Variants in CSMD2 observed in about 807,000 individuals in gnomAD.
The protein encoded by CSMD2 is CUB and sushi domain-containing protein 2.
In CSMD2, 130 loss-of-function variants were observed where a neutral mutation model predicts 398.5. The ratio of observed to expected loss-of-function variants is 0.33; its 90% CI spans 0.28 to 0.38. The LOEUF is 0.38. CSMD2 is among the 10% of genes least tolerant of loss of function. CSMD2 has a pLI of 1.00. For missense variants in CSMD2, 3,829 were observed against 4,764.9 expected, an observed-to-expected ratio of 0.80 and a Z score of 5.78; for synonymous variants, 1,828 against 1,908.5, an observed-to-expected ratio of 0.96 and a Z score of 1.10.
intron 2 of CSMD2, among the ~76,000 whole-genome samples, chr1:34,062,577 C>T (rs1057326557): frequency 2.0e-5 from 3 of 152,176 alleles, no homozygotes; most frequent in Admixed American, 2.0e-4. Context: ...GGGGGCAAGA[C>T]CATGAGCAAG....
chr1:33,582,437 G>A (rs1207633073), intron 47 of CSMD2, among the ~76,000 whole-genome samples: 1 of 152,174 alleles, frequency 6.6e-6, no homozygotes, highest in African/African-American at 2.4e-5. Context: ...GCCCCCAGCA[G>A]AAAGGTGCAA....
chr1:34,081,941 G>T (rs536777905), intron 2 of CSMD2, among the ~76,000 whole-genome samples: 1 of 151,202 alleles, frequency 6.6e-6, no homozygotes, highest in Non-Finnish European at 1.5e-5. Context: ...CCGCCACCCC[G>T]TCTAGGAAGT....
At chr1:33,854,071 T>C (rs1638902148) in intron 5 of CSMD2, among the ~76,000 whole-genome samples, 1 of 152,216 alleles carries the variant, frequency 6.6e-6, no homozygotes. Context: ...TCTCCCAATC[T>C]TGATCCATCC....
chr1:33,542,820 A>G lies in CSMD2; in HGVS notation c.9177T>C (p.Ser3059=). The change falls in exon 58 of 71, where the codon TCT becomes TCC. Residue 3059 remains serine (S), a synonymous_variant. Transcript: ENST00000373381. Reference sequence around the variant, plus strand: ...ATCCTTCCCGGCACTCATAGACGATAGAGCTGGAGAAAACCAGGCCATCAC... The same window carrying G: ...ATCCTTCCCGGCACTCATAGACGATGGAGCTGGAGAAAACCAGGCCATCAC... ...VFSDGLVFSS[S]IVYECREGYY... 2.5e-6 allele frequency: 4 copies of G among 1,614,224 alleles called. No individual in the cohort carries two copies. In the African/African-American group the frequency reaches 4.0e-5, roughly 16 times the overall value.
At chr1:33,827,250 T>C (rs1216649904) in intron 6 of CSMD2, among the ~76,000 whole-genome samples, 8 of 152,188 alleles carry the variant, frequency 5.3e-5, no homozygotes, top group Non-Finnish European at 1.2e-4. Flanking sequence ...TGGCAACCCA[T>C]GTCTTCTAGA....
intron 15 of CSMD2, among the ~76,000 whole-genome samples, chr1:33,734,395 C>T (rs1257966253): frequency 6.6e-6 from 1 of 152,130 alleles, no homozygotes; most frequent in African/African-American, 2.4e-5. Context: ...CTAGCTCTGT[C>T]GCCCAGGCTG....
chr1:34,012,012 C>T (rs764081573), intron 3 of CSMD2, among the ~76,000 whole-genome samples: 34 of 152,310 alleles, frequency 2.2e-4, no homozygotes, highest in African/African-American at 7.2e-4. Context: ...CTATAAACAT[C>T]GCTTTGAGTG....
intron 25 of CSMD2, among the ~76,000 whole-genome samples, chr1:33,680,659 T>TGTAACCA (rs1644877637): frequency 6.6e-6 from 1 of 152,138 alleles, no homozygotes; most frequent in Non-Finnish European, 1.5e-5. Flanking sequence ...AACCTTGATC[T>TGTAACCA]GCTCCAGAGG....
At chr1:33,985,708 T>C (rs749682887) in intron 3 of CSMD2, among the ~76,000 whole-genome samples, 2 of 152,202 alleles carry the variant, frequency 1.3e-5, no homozygotes, top group African/African-American at 2.4e-5. Context: ...TGCTCCCCAG[T>C]AGATCTTGTG....
chr1:33,802,605 T>C (rs1323229600), intron 10 of CSMD2, among the ~76,000 whole-genome samples: 1 of 152,158 alleles, frequency 6.6e-6, no homozygotes, highest in Non-Finnish European at 1.5e-5. Context: ...TCCTCCTGCG[T>C]AGGTGTCAGG....
intron 19 of CSMD2, among the ~76,000 whole-genome samples, chr1:33,720,028 T>G (rs977181219): frequency 4.6e-5 from 7 of 152,182 alleles, no homozygotes; most frequent in Non-Finnish European, 8.8e-5. Flanking sequence ...TATTTCAAAT[T>G]TCACAGAGTT....
chr1:33,736,054 G>C (rs1646874874), intron 15 of CSMD2, among the ~76,000 whole-genome samples: 1 of 152,172 alleles, frequency 6.6e-6, no homozygotes, highest in African/African-American at 2.4e-5. Flanking sequence ...AACCAGGCTG[G>C]CATCAAATGC....
intron 2 of CSMD2, among the ~76,000 whole-genome samples, chr1:34,063,519 C>T (rs986337037): frequency 6.6e-6 from 1 of 152,202 alleles, no homozygotes; most frequent in African/African-American, 2.4e-5. Flanking sequence ...TTTAAAGCTC[C>T]AAAATCATCT....
At chr1:33,704,383 G>A (rs1645707834) in intron 22 of CSMD2, among the ~76,000 whole-genome samples, 1 of 151,970 alleles carries the variant, frequency 6.6e-6, no homozygotes, top group African/African-American at 2.4e-5. Flanking sequence ...TAGAACTATT[G>A]ATCTTGTTCT....
chr1:33,820,216 G>T lies in CSMD2; in HGVS notation c.1199+253C>A, dbSNP rs113735546. Among the ~76,000 whole-genome samples, 502 of 152,256 alleles carry T rather than the reference G, an allele frequency of 3.3e-3. 4 individuals carry two copies. Among genetic ancestry groups the T allele is most frequent in the African/African-American group, 0.011 (475 of 41,556 alleles). On this transcript the variant is annotated intron_variant, in intron 8 of 70. Transcript: ENST00000373381. Reference sequence around the variant, plus strand: ...GTCATTACTGAGATGGCAGCCCTTTGTACCCTGGGTACATAGGTTTTCTGG... The same window carrying T: ...GTCATTACTGAGATGGCAGCCCTTTTTACCCTGGGTACATAGGTTTTCTGG...
chr1:34,063,357 G>A (rs1180639133), intron 2 of CSMD2, among the ~76,000 whole-genome samples: 1 of 152,174 alleles, frequency 6.6e-6, no homozygotes, highest in African/African-American at 2.4e-5. Flanking sequence ...CTGCCTATGA[G>A]CCTGTAAAAT....
intron 25 of CSMD2, among the ~76,000 whole-genome samples, chr1:33,682,142 A>C (rs749044726): frequency 5.3e-5 from 8 of 152,164 alleles, no homozygotes; most frequent in African/African-American, 1.9e-4. Flanking sequence ...TGCTGCTGGC[A>C]TTCGTTGGCT....
chr1:33,528,933 A>G (rs1168102641), intron 64 of CSMD2, among the ~76,000 whole-genome samples: 1 of 152,218 alleles, frequency 6.6e-6, no homozygotes, highest in Non-Finnish European at 1.5e-5. Context: ...AAACCTTAAT[A>G]TTGTTCAGAT....
Position 33,569,348 on chromosome 1 carries a change from A to G in CSMD2, c.8131+26T>C, listed in dbSNP as rs780500251. On this transcript the variant is annotated intron_variant, in intron 52 of 70. Transcript: ENST00000373381. ...TCTATCTCAAGGAGAAAAACTGGGCAGGATAGGCCTGCAGAGGTCACTTAC... is the reference window on the plus strand; with the variant it reads ...TCTATCTCAAGGAGAAAAACTGGGCGGGATAGGCCTGCAGAGGTCACTTAC... The G allele has an allele frequency of 1.1e-5, 18 of 1,592,320 alleles. No individual in the cohort carries two copies. In the African/African-American group the frequency reaches 2.0e-4, roughly 18 times the overall value.
Sources: gnomAD v4.1 joint callset for allele counts (sites outside exome capture counted in the v4.1 genomes callset) on GRCh38, gnomAD v4.1.1 for gene constraint, MANE v1.5 for transcripts, NCBI Gene and HGNC (gene_info 2026-07-23, HGNC 2026-07-21) for gene names.